The following THBS4 variants were observed in gnomAD, a reference collection of about 807,000 sequenced individuals.
The protein encoded by THBS4 is thrombospondin 4.
A neutral mutation model predicts 115.7 loss-of-function variants in THBS4; 90 were observed. The observed-to-expected ratio is 0.78, with a 90% CI of 0.66 to 0.93. The LOEUF (loss-of-function observed/expected upper bound fraction) is 0.93, where lower values mean the gene tolerates loss of function less well. Among genes scored for constraint, THBS4 ranks in the 40% least tolerant of loss-of-function variants. THBS4 has a pLI of 0.00. For synonymous variants in THBS4, 460 were observed against 479.3 expected, an observed-to-expected ratio of 0.96 and a Z score of 0.53; for missense variants, 1,087 against 1,232.7, an observed-to-expected ratio of 0.88 and a Z score of 1.77.
chr5:79,998,047 A>G (rs182341871), intron 1 of THBS4, among the ~76,000 whole-genome samples: 7 of 152,236 alleles, frequency 4.6e-5, no homozygotes, highest in Non-Finnish European at 8.8e-5. Context: ...GGTCCAAAAC[A>G]TACAAATAAC....
intron 2 of THBS4, among the ~76,000 whole-genome samples, chr5:80,018,581 G>T (rs1324431579): frequency 6.6e-6 from 1 of 151,738 alleles, no homozygotes; most frequent in Admixed American, 6.6e-5. Context: ...TTTTAGTAGA[G>T]ATGGGGTTTC....
chr5:80,058,906 G>C, intron 5 of THBS4, 116 bp downstream of exon 5: 1 of 982,138 alleles, frequency 1.0e-6, no homozygotes, highest in Non-Finnish European at 1.5e-6. Context: ...CCAGATCTCC[G>C]GGGGCCCACG....
intron 2 of THBS4, among the ~76,000 whole-genome samples, chr5:80,007,047 C>T (rs1832033187): frequency 6.6e-6 from 1 of 152,132 alleles, no homozygotes; most frequent in Non-Finnish European, 1.5e-5. Flanking sequence ...GGAGCTTACA[C>T]TCAAGAATAT....
In THBS4 at chr5:80,024,604, C is replaced by A. The variant is rs945952485; in HGVS notation, n.178-15473C>A. On this transcript the variant is annotated intron_variant and non_coding_transcript_variant, in intron 2 of 3. Transcript: ENST00000510218. ...GGTGTGGCTCCACCGTGCTGCCTCT[C>A]CAGATCATACATAGCATTATGATTC... 2.0e-5 allele frequency among the ~76,000 whole-genome samples: 3 copies of A among 152,164 alleles called. No individual in the cohort carries two copies. The South Asian group carries it at 6.2e-4, about 32-fold the overall frequency.
chr5:80,083,166 T>TTTTCGGAACACTA lies in THBS4; in HGVS notation c.*26_*38dup. 1 of 1,591,574 alleles carries TTTTCGGAACACTA rather than the reference T, an allele frequency of 6.3e-7. No homozygotes were observed. The highest frequency in any genetic ancestry group is 1.1e-5 in the South Asian group (1 of 90,600). On this transcript the variant is annotated 3_prime_UTR_variant, in exon 22 of 22. Coordinates refer to ENST00000350881, the MANE Select transcript of THBS4 (RefSeq NM_003248.6). ...AACCAAGGAAGCAATCTGTAACTGC[T>TTTTCGGAACACTA]TTTCGGAACACTAAAACCATATATA... is the stretch of plus-strand genomic sequence containing the variant.
Position 80,073,318 on chromosome 5 carries a change from A to G in THBS4, c.1883A>G (p.Asn628Ser), listed in dbSNP as rs769397632. ...CTGGTTGGGGACTCCTGTGACACCA[A>G]TCAGGACAGGTATGGCATGTCTCCC... Reference protein sequence around the residue: ...NDLVGDSCDTNQDSDGDGHQD... With the variant: ...NDLVGDSCDTSQDSDGDGHQD... Residue 628 changes from asparagine to serine, a missense_variant, in exon 15 of 22, where the codon AAT becomes AGT. Transcript: ENST00000350881. 5.1e-5 allele frequency: 82 copies of G among 1,613,686 alleles called. No individual in the cohort carries two copies. In the East Asian group the frequency reaches 6.5e-4, roughly 13 times the overall value.
chr5:80,077,081 C>A, intron 16 of THBS4, 33 bp downstream of exon 16: 1 of 1,505,350 alleles, frequency 6.6e-7, no homozygotes, highest in Admixed American at 2.1e-5. Flanking sequence ...TGCACAGCAC[C>A]CCTGGGCTCC....
At chr5:80,055,102 G>A (rs572560839) in intron 2 of THBS4, among the ~76,000 whole-genome samples, 2 of 151,828 alleles carry the variant, frequency 1.3e-5, no homozygotes, top group South Asian at 2.1e-4. Context: ...CAGGTGGATC[G>A]CTTGAGCTCG....
Position 80,038,940 on chromosome 5 carries a change from A to G in THBS4, c.89-1137A>G, listed in dbSNP as rs116871899. Among the ~76,000 whole-genome samples, 299 of 152,278 alleles carry G rather than the reference A, an allele frequency of 2.0e-3. 5 individuals carry two copies. The East Asian group carries it at 0.048, about 24-fold the overall frequency. ...GTACTGTTGTATTTACTAATTTTCC[A>G]ATTCGATGGTGAAAACAATACGTTA... is the stretch of plus-strand genomic sequence containing the variant. On this transcript the variant is annotated intron_variant, in intron 1 of 21. Coordinates refer to ENST00000350881, the MANE Select transcript of THBS4 (RefSeq NM_003248.6).
intron 21 of THBS4, 84 bp downstream of exon 21, chr5:80,082,629 C>G (rs917827989): frequency 2.0e-6 from 3 of 1,538,122 alleles, no homozygotes; most frequent in East Asian, 4.5e-5. Flanking sequence ...GCACTTCCCC[C>G]CCAAAAGCCC....
intron 2 of THBS4, 54 bp from the exon 3 acceptor site, chr5:80,055,731 C>T: frequency 6.4e-7 from 1 of 1,572,140 alleles, no homozygotes; most frequent in Non-Finnish European, 8.7e-7. Context: ...GTTGACCCTC[C>T]ACTTCCCCCT....
chr5:80,006,735 G>A (rs941720672), intron 2 of THBS4, among the ~76,000 whole-genome samples: 3 of 152,126 alleles, frequency 2.0e-5, no homozygotes, highest in Non-Finnish European at 2.9e-5. Context: ...TGCAAGAGCT[G>A]GTTTAGAATA....
chr5:80,055,782 C>A lies in THBS4; in HGVS notation c.293-3C>A. The A allele has an allele frequency of 6.2e-7, 1 of 1,610,696 alleles. No individual in the cohort carries two copies. The highest frequency in any genetic ancestry group is 1.1e-5 in the South Asian group (1 of 90,654). ...CCATTGGTTGACCTGTGCTTGCTTCCAGCCATCCTCCGTTACCTGAAGAAC... is the reference window on the plus strand; with the variant it reads ...CCATTGGTTGACCTGTGCTTGCTTCAAGCCATCCTCCGTTACCTGAAGAAC... On this transcript the variant is annotated splice_region_variant and splice_polypyrimidine_tract_variant and intron_variant, in intron 2 of 21. Transcript: ENST00000350881.
intron 2 of THBS4, among the ~76,000 whole-genome samples, chr5:80,004,280 G>C (rs1399551389): frequency 1.3e-5 from 2 of 152,230 alleles, no homozygotes; most frequent in African/African-American, 4.8e-5. Context: ...TGATGAATGT[G>C]TGTAAATGAT....
At chr5:80,077,089 T>G in intron 16 of THBS4, 41 bp downstream of exon 16, 2 of 1,489,016 alleles carry the variant, frequency 1.3e-6, no homozygotes, top group Non-Finnish European at 1.8e-6. Flanking sequence ...ACCCCTGGGC[T>G]CCCTTCAGCC....
At chr5:80,015,548 T>C (rs1273786664) in intron 2 of THBS4, among the ~76,000 whole-genome samples, 1 of 152,224 alleles carries the variant, frequency 6.6e-6, no homozygotes, top group African/African-American at 2.4e-5. Context: ...CCTATGCCTT[T>C]TGGAACATTT....
intron 2 of THBS4, among the ~76,000 whole-genome samples, chr5:80,004,024 G>A (rs1438991253): frequency 6.6e-6 from 1 of 152,162 alleles, no homozygotes; most frequent in African/African-American, 2.4e-5. Flanking sequence ...ATGATTCAGG[G>A]CCAGAGAGGT....
chr5:80,057,340 A>G (rs1174614005), intron 3 of THBS4, among the ~76,000 whole-genome samples: 1 of 152,224 alleles, frequency 6.6e-6, no homozygotes, highest in African/African-American at 2.4e-5. Flanking sequence ...GGTAGTGATC[A>G]CAGTGGCTCA....
intron 2 of THBS4, among the ~76,000 whole-genome samples, chr5:80,051,272 T>C (rs1395779423): frequency 1.3e-5 from 2 of 152,206 alleles, no homozygotes; most frequent in Non-Finnish European, 2.9e-5. Context: ...ATATGACTGA[T>C]GTGAAAACGT....
Sources: allele counts gnomAD v4.1 joint callset (sites outside exome capture counted in the v4.1 genomes callset), GRCh38; gene constraint gnomAD v4.1.1; transcripts MANE v1.5; gene names NCBI Gene and HGNC (gene_info 2026-07-23, HGNC 2026-07-21).